Variants in C5AR1 observed in about 807,000 individuals in gnomAD.
The protein encoded by C5AR1 is complement C5a receptor 1, also known as C5a anaphylatoxin chemotactic receptor 1.
In C5AR1, 4 loss-of-function variants were observed where a neutral mutation model predicts 2.4. That is an observed-to-expected ratio of 1.65 (90% CI 0.81 to 3.77). The LOEUF (loss-of-function observed/expected upper bound fraction) is 3.77, where lower values mean the gene tolerates loss of function less well. Among genes scored for constraint, C5AR1 ranks in the 30% most tolerant of loss-of-function variants. The pLI, the probability that C5AR1 is intolerant of heterozygous loss-of-function variation, is 0.01. For synonymous variants in C5AR1, 209 were observed against 210.4 expected, an observed-to-expected ratio of 0.99 and a Z score of 0.06; for missense variants, 418 against 462.5, an observed-to-expected ratio of 0.90 and a Z score of 0.88.
At chr19:47,314,816 A>C (rs2059280861) in intron 1 of C5AR1, among the ~76,000 whole-genome samples, 1 of 152,050 alleles carries the variant, frequency 6.6e-6, no homozygotes, top group Non-Finnish European at 1.5e-5. Flanking sequence ...GCCTCAGTCT[A>C]CTGAGTAGCT....
intron 1 of C5AR1, among the ~76,000 whole-genome samples, chr19:47,314,650 G>A (rs1288250564): frequency 6.6e-6 from 1 of 151,852 alleles, no homozygotes; most frequent in African/African-American, 2.4e-5. Context: ...CACCCGCCTG[G>A]GCCTCCCAAA....
chr19:47,311,077 C>T (rs1354240703), intron 1 of C5AR1, among the ~76,000 whole-genome samples: 1 of 152,128 alleles, frequency 6.6e-6, no homozygotes, highest in South Asian at 2.1e-4. Context: ...TTTGGATGGA[C>T]CAGGGAGGGG....
At chr19:47,316,314 A>T (rs577631341) in intron 1 of C5AR1, among the ~76,000 whole-genome samples, 1 of 151,842 alleles carries the variant, frequency 6.6e-6, no homozygotes, top group Admixed American at 6.6e-5. Context: ...TCTATCATCT[A>T]TCTCTCAATC....
At chr19:47,316,448 C>G (rs2059288876) in intron 1 of C5AR1, 1 of 144,750 alleles carries the variant, frequency 6.9e-6, no homozygotes, top group African/African-American at 2.5e-5. Flanking sequence ...TTTCTATCAC[C>G]TTTTTTTTTT....
chr19:47,308,212 CAAA>C (rs1051683773), upstream of C5AR1, among the ~76,000 whole-genome samples: 1 of 54,072 alleles, frequency 1.8e-5, no homozygotes, highest in Non-Finnish European at 3.8e-5. Context: ...GACTCCATCT[CAAA>C]AAAAAAAAAA....
intron 1 of C5AR1, among the ~76,000 whole-genome samples, chr19:47,314,590 G>A (rs1433698245): frequency 6.6e-6 from 1 of 151,870 alleles, no homozygotes; most frequent in Non-Finnish European, 1.5e-5. Context: ...TAGAGACAGG[G>A]TTTCACCATG....
At chr19:47,311,424 G>A (rs964690986) in intron 1 of C5AR1, among the ~76,000 whole-genome samples, 1 of 151,608 alleles carries the variant, frequency 6.6e-6, no homozygotes, top group Non-Finnish European at 1.5e-5. Flanking sequence ...CACGACAATC[G>A]CTTGAACCCA....
At position 47,320,562 on chromosome 19, in the gene C5AR1, G is replaced by C; in HGVS notation, c.785G>C (p.Gly262Ala). The change falls in exon 2 of 2, where the codon GGG (glycine) becomes GCG (alanine). Residue 262 changes from glycine to alanine, a missense_variant. By Grantham distance (60) the Gly-to-Ala change is moderately conservative (BLOSUM62 0). Transcript: ENST00000355085. The surrounding 1 kb of genome is among the most constrained non-coding windows in gnomAD (Gnocchi z 4.9). ...FIFWLPYQVTGIMMSFLEPSS... is the reference protein window; with the variant it reads ...FIFWLPYQVTAIMMSFLEPSS... ...TTCTGGTTGCCCTACCAGGTGACGG[G>C]GATAATGATGTCCTTCCTGGAGCCA... The C allele has an allele frequency of 6.2e-7, 1 of 1,613,958 alleles. No individual in the cohort carries two copies. The highest frequency in any genetic ancestry group is 8.5e-7 in the Non-Finnish European group (1 of 1,179,988).
At chr19:47,311,042 G>A (rs963173526) in intron 1 of C5AR1, among the ~76,000 whole-genome samples, 2 of 152,324 alleles carry the variant, frequency 1.3e-5, no homozygotes, top group African/African-American at 4.8e-5. Flanking sequence ...TGCTTCATCT[G>A]TGTCAAAGAG....
Position 47,320,962 on chromosome 19 carries a change from TC to T in C5AR1, c.*135del. 1.3e-6 allele frequency: 1 copy of T among 747,828 alleles called. No individual in the cohort carries two copies. The highest frequency in any genetic ancestry group is 2.1e-6 in the Non-Finnish European group (1 of 472,588). The allele number at this position is 747,828 out of a possible 1,614,324, so 46.3% of individuals were successfully genotyped here. On this transcript the variant is annotated 3_prime_UTR_variant, in exon 2 of 2. Coordinates refer to ENST00000355085, the MANE Select transcript of C5AR1 (RefSeq NM_001736.4). This position sits in a 1 kb window ranked among gnomAD's most constrained non-coding sequence, Gnocchi z 4.9. Reference sequence around the variant, plus strand: ...AACTCTCCTCCATGTTGCCTGTCTTTCCCAGACTTGTCCCTCCTTTTCCAGC... The same window carrying T: ...AACTCTCCTCCATGTTGCCTGTCTTTCCAGACTTGTCCCTCCTTTTCCAGC...
intron 1 of C5AR1, 108 bp from the exon 2 acceptor site, chr19:47,319,673 G>A: frequency 1.4e-6 from 1 of 709,678 alleles, no homozygotes; most frequent in South Asian, 1.7e-5. Flanking sequence ...CCATTTCCTA[G>A]TGAGAAAAAG....
At chr19:47,317,634 C>T (rs1448151928) in intron 1 of C5AR1, among the ~76,000 whole-genome samples, 2 of 151,730 alleles carry the variant, frequency 1.3e-5, no homozygotes, top group South Asian at 2.1e-4. Flanking sequence ...AGGCGCTGTG[C>T]TAGGTGCTTA....
intron 1 of C5AR1, among the ~76,000 whole-genome samples, chr19:47,319,339 C>G (rs2059300500): frequency 8.4e-6 from 1 of 119,716 alleles, no homozygotes. Flanking sequence ...GACAGGGTCT[C>G]ACTCTGTCAC....
At chr19:47,313,674 G>T (rs575167578) in intron 1 of C5AR1, among the ~76,000 whole-genome samples, 10 of 151,852 alleles carry the variant, frequency 6.6e-5, no homozygotes, top group Non-Finnish European at 1.0e-4. Context: ...AATCCAGGAG[G>T]CGGAGCTTGC....
chr19:47,320,481 C>T lies in C5AR1; in HGVS notation c.704C>T (p.Thr235Met), dbSNP rs199561709. The part of the protein sequence containing the change: ...ILLRTWSRRA[T>M]RSTKTLKVVV... The stretch of plus-strand genomic sequence containing the variant: ...CTCCGGACGTGGAGCCGCAGGGCCA[C>T]GCGGTCCACCAAGACACTCAAGGTG... The change falls in exon 2 of 2, where the codon ACG becomes ATG. Residue 235 changes from threonine (T) to methionine (M), a missense_variant. Physicochemically the swap from Thr to Met is moderately conservative, Grantham distance 81. Coordinates refer to ENST00000355085, the MANE Select transcript of C5AR1 (RefSeq NM_001736.4). The surrounding 1 kb of genome is among the most constrained non-coding windows in gnomAD (Gnocchi z 4.9). The T allele has an allele frequency of 1.4e-5, 22 of 1,613,492 alleles. No homozygotes were observed. Among genetic ancestry groups the T allele is most frequent in the Non-Finnish European group, 1.7e-5 (20 of 1,180,036 alleles).
Position 47,320,938 on chromosome 19 carries a change from A to C in C5AR1, c.*108A>C. The C allele has an allele frequency of 1.1e-6, 1 of 904,898 alleles. No homozygotes were observed. The highest frequency in any genetic ancestry group is 1.6e-6 in the Non-Finnish European group (1 of 609,476). 56.1% of individuals were successfully genotyped at this position (904,898 alleles called of 1,614,324 possible). On this transcript the variant is annotated 3_prime_UTR_variant, in exon 2 of 2. Transcript: ENST00000355085. This position sits in a 1 kb window ranked among gnomAD's most constrained non-coding sequence, Gnocchi z 4.9. ...GGGATGGTGTTACCTTAGCTAACTA[A>C]CTCTCCTCCATGTTGCCTGTCTTTC... is the stretch of plus-strand genomic sequence containing the variant.
chr19:47,312,749 T>G (rs1165997356), intron 1 of C5AR1, among the ~76,000 whole-genome samples: 1 of 152,094 alleles, frequency 6.6e-6, no homozygotes, highest in Non-Finnish European at 1.5e-5. Flanking sequence ...CCTTTTTTTC[T>G]TTTTTCTAGA....
rs1337180859 is a variant in C5AR1, at chr19:47,313,179, T to A, written c.3+3281T>A. On this transcript the variant is annotated intron_variant, in intron 1 of 1. Coordinates refer to ENST00000355085, the MANE Select transcript of C5AR1 (RefSeq NM_001736.4). ...TTTTAGTAGAGACGGGATTTCACCA[T>A]GTTGGCCAGGCTGGTCTCGAACTCC... is the stretch of plus-strand genomic sequence containing the variant. Among the ~76,000 whole-genome samples, 5 of 152,126 alleles carry A rather than the reference T, an allele frequency of 3.3e-5. No homozygotes were observed. The East Asian group carries it at 7.8e-4, about 24-fold the overall frequency.
At position 47,309,887 on chromosome 19, in the gene C5AR1, G is replaced by C. The variant is rs776284801; in HGVS notation, c.-9G>C. The stretch of plus-strand genomic sequence containing the variant: ...CCTTCGATCCTCGGGGAGCCCAGGA[G>C]ACCAGAACATGGTGAGTCTCGAAGG... On this transcript the variant is annotated 5_prime_UTR_variant, in exon 1 of 2. Transcript: ENST00000355085. The C allele has an allele frequency of 6.2e-7, 1 of 1,612,848 alleles. No homozygotes were observed. The highest frequency in any genetic ancestry group is 1.1e-5 in the South Asian group (1 of 90,958).
Sources: allele counts gnomAD v4.1 joint callset (sites outside exome capture counted in the v4.1 genomes callset), GRCh38; gene constraint gnomAD v4.1.1; non-coding constraint Gnocchi (gnomAD v3.1); transcripts MANE v1.5; gene names NCBI Gene and HGNC (gene_info 2026-07-23, HGNC 2026-07-21).